DNAH17: variants seen among roughly 807,000 people sequenced by gnomAD.
DNAH17 encodes dynein axonemal heavy chain 17, also known as axonemal beta dynein heavy chain 17.
In DNAH17, 376 loss-of-function variants were observed where a neutral mutation model predicts 485.6. That is an observed-to-expected ratio of 0.77 (90% confidence interval 0.71 to 0.84). The LOEUF (loss-of-function observed/expected upper bound fraction) is 0.84. DNAH17 is among the 40% of genes least tolerant of loss of function. The pLI is 0.00. For missense variants in DNAH17, 6,370 were observed against 5,839.3 expected (o/e 1.09, Z -2.96); for synonymous variants, 3,031 against 2,405.9 (o/e 1.26, Z -7.60).
intron 11 of DNAH17, among the ~76,000 whole-genome samples, chr17:78,562,952 T>C (rs2092188955): frequency 6.6e-6 from 1 of 152,138 alleles, no homozygotes; most frequent in Non-Finnish European, 1.5e-5. Flanking sequence ...GGGGCTGCCA[T>C]AACCCACGCC....
chr17:78,452,605 G>A (rs988402738), intron 65 of DNAH17, among the ~76,000 whole-genome samples: 2 of 152,212 alleles, frequency 1.3e-5, no homozygotes, highest in African/African-American at 4.8e-5. Context: ...GGGCACGTTG[G>A]TGTGTTCCTG....
In DNAH17 at chr17:78,463,503, C is replaced by T. The variant is rs141290049; in HGVS notation, c.8941-426G>A. On this transcript the variant is annotated intron_variant, in intron 56 of 80. Coordinates refer to ENST00000389840, the MANE Select transcript of DNAH17 (RefSeq NM_173628.4). ...TCACATACCTGTATATATACACGTG[C>T]ATATGCATTCACATACCTGCATATG... 2.7e-3 allele frequency among the ~76,000 whole-genome samples: 413 copies of T among 152,156 alleles called. 3 individuals carry two copies. Among genetic ancestry groups the T allele is most frequent in the African/African-American group, 9.6e-3 (398 of 41,502 alleles).
chr17:78,478,455 C>A (rs2089192447), intron 51 of DNAH17, among the ~76,000 whole-genome samples: 1 of 143,244 alleles, frequency 7.0e-6, no homozygotes, highest in South Asian at 2.2e-4. Context: ...ATTACCATCA[C>A]CATCACTATT....
At chr17:78,536,301 T>A (rs2091372776) in intron 19 of DNAH17, among the ~76,000 whole-genome samples, 1 of 151,508 alleles carries the variant, frequency 6.6e-6, no homozygotes, top group Admixed American at 6.6e-5. Flanking sequence ...AAAAGAAAAA[T>A]TAGCCAGGCA....
chr17:78,468,629 G>C lies in DNAH17; in HGVS notation c.8766C>G (p.Arg2922=). The C allele has an allele frequency of 6.2e-7, 1 of 1,613,334 alleles. No individual in the cohort carries two copies. Among genetic ancestry groups the C allele is most frequent in the South Asian group, 1.1e-5 (1 of 90,944 alleles). ...TCWKFFIEKV[R]RQLKVILCFS... is the part of the protein sequence containing the mutation. ...ACGGGAGCCCCACCTTGAGCTGTCT[G>C]CGCACTTTTTCGATGAAGAACTTCC... The change falls in exon 55 of 81, where the codon CGC becomes CGG. Residue 2922 remains arginine (R), a synonymous_variant. Transcript: ENST00000389840.
Position 78,543,793 on chromosome 17 carries a change from T to C in DNAH17, c.2532+64A>G, listed in dbSNP as rs567218584. On this transcript the variant is annotated intron_variant, in intron 17 of 80. Transcript: ENST00000389840. ...TTTTTATGAAATCTCCAGCCCTGGG[T>C]TTACTCTCTCCTCCCTGCTAAAAGC... 70 of 1,609,206 alleles carry C rather than the reference T, an allele frequency of 4.3e-5. No individual in the cohort carries two copies. The African/African-American group carries it at 8.8e-4, about 20-fold the overall frequency.
At chr17:78,556,684 C>G (rs550069472) in intron 14 of DNAH17, among the ~76,000 whole-genome samples, 72 of 152,196 alleles carry the variant, frequency 4.7e-4, no homozygotes, top group African/African-American at 1.7e-3. Flanking sequence ...CCACGCTCTC[C>G]GGGCCCCTCC....
intron 56 of DNAH17, among the ~76,000 whole-genome samples, chr17:78,465,747 C>T (rs1280868382): frequency 2.7e-5 from 4 of 150,164 alleles, no homozygotes; most frequent in Admixed American, 6.6e-5. Flanking sequence ...CCACCCCGTC[C>T]GGGAGGGAGG....
intron 44 of DNAH17, among the ~76,000 whole-genome samples, chr17:78,487,697 A>C (rs911224346): frequency 1.3e-5 from 2 of 152,000 alleles, no homozygotes; most frequent in African/African-American, 4.8e-5. Context: ...GCTAATTTTC[A>C]TATTTTTAGT....
intron 16 of DNAH17, among the ~76,000 whole-genome samples, chr17:78,547,248 T>G (rs994504476): frequency 5.3e-5 from 8 of 152,178 alleles, no homozygotes; most frequent in African/African-American, 1.9e-4. Context: ...TGGAATAGGT[T>G]TCTCAGGAAG....
At chr17:78,484,141 T>C (rs1453864592) in intron 48 of DNAH17, among the ~76,000 whole-genome samples, 2 of 138,742 alleles carry the variant, frequency 1.4e-5, no homozygotes, top group Admixed American at 7.3e-5. Context: ...CTGAACTGAA[T>C]GTTCTCATCT....
intron 15 of DNAH17, among the ~76,000 whole-genome samples, 179 bp downstream of exon 15, chr17:78,552,512 CTTTTTT>C (rs35637364): frequency 7.6e-6 from 1 of 132,418 alleles, no homozygotes; most frequent in African/African-American, 2.8e-5. Context: ...CACAGATGGG[CTTTTTT>C]TTTTTTTTTT....
At chr17:78,452,470 G>A (rs1598472448) in intron 65 of DNAH17, among the ~76,000 whole-genome samples, 1 of 152,288 alleles carries the variant, frequency 6.6e-6, no homozygotes, top group South Asian at 2.1e-4. Context: ...GGGCGCGGTG[G>A]CTCCCGCCTG....
intron 19 of DNAH17, among the ~76,000 whole-genome samples, chr17:78,535,079 T>C (rs2091339280): frequency 6.6e-6 from 1 of 152,190 alleles, no homozygotes; most frequent in African/African-American, 2.4e-5. Flanking sequence ...CCTTCAGCTC[T>C]GGAATGTTCT....
chr17:78,553,283 G>GGTTTTTTTTTTTTTTTTTTTTTTT (rs2091944708), intron 14 of DNAH17, among the ~76,000 whole-genome samples: 1 of 51,018 alleles, frequency 2.0e-5, no homozygotes, highest in African/African-American at 9.0e-5. Flanking sequence ...AGGTTTTTGT[G>GGTTTTTTTTTTTTTTTTTTTTTTT]TTTTTTTTTT....
At chr17:78,503,490 T>C (rs1200061901) in intron 31 of DNAH17, among the ~76,000 whole-genome samples, 2 of 151,530 alleles carry the variant, frequency 1.3e-5, no homozygotes, top group East Asian at 3.9e-4. Context: ...CGGCCACATA[T>C]TTTCTTCTTA....
chr17:78,576,220 C>G (rs557838701), intron 1 of DNAH17, among the ~76,000 whole-genome samples: 11 of 152,260 alleles, frequency 7.2e-5, no homozygotes, highest in African/African-American at 2.6e-4. Flanking sequence ...CTACAGTTCC[C>G]CAAAAGACAC....
rs55701739 is a variant in DNAH17, at chr17:78,554,436, CAAAAAAAAAAAAA to C, written c.2179-1644_2179-1632del. 7.1e-4 allele frequency among the ~76,000 whole-genome samples: 23 copies of C among 32,262 alleles called. No homozygotes were observed. In the East Asian group the frequency reaches 9.7e-3, roughly 14 times the overall value. 21.2% of individuals were successfully genotyped at this position (32,262 alleles called of 152,430 possible). A position where few individuals can be genotyped will look rare whatever the true frequency, so the allele number is the denominator to read the frequency against. ...TGGACAATAGAATGAGACTCTGTCT[CAAAAAAAAAAAAA>C]AAAAAAAAAAAAAAAAAAAAAAGGA... On this transcript the variant is annotated intron_variant, in intron 14 of 80. Transcript: ENST00000389840.
chr17:78,478,904 C>G, intron 51 of DNAH17, 121 bp downstream of exon 51: 1 of 757,162 alleles, frequency 1.3e-6, no homozygotes, highest in Non-Finnish European at 2.2e-6. Context: ...TCATCATTAT[C>G]ATTACCACCA....
Sources: allele counts gnomAD v4.1 joint callset (sites outside exome capture counted in the v4.1 genomes callset), GRCh38; gene constraint gnomAD v4.1.1; transcripts MANE v1.5; gene names NCBI Gene and HGNC (gene_info 2026-07-23, HGNC 2026-07-21).